The following SEMA3A variants were observed in gnomAD, a reference collection of about 807,000 sequenced individuals.
SEMA3A encodes semaphorin-3A.
A neutral mutation model predicts 97.9 loss-of-function variants in SEMA3A; 29 were observed. That is an observed-to-expected ratio of 0.30 (90% CI 0.22 to 0.40). The LOEUF (loss-of-function observed/expected upper bound fraction) is 0.40, where lower values mean the gene tolerates loss of function less well. SEMA3A is among the 10% of genes least tolerant of loss of function. SEMA3A has a pLI of 1.00. For synonymous variants in SEMA3A, 321 were observed against 323.7 expected, an observed-to-expected ratio of 0.99 and a Z score of 0.09; for missense variants, 763 against 951.3, an observed-to-expected ratio of 0.80 and a Z score of 2.60.
At chr7:84,401,442 A>T (rs114301759) in intron 1 of SEMA3A, among the ~76,000 whole-genome samples, 3,936 of 151,568 alleles carry the variant, frequency 0.026, 158 homozygotes, top group African/African-American at 0.089. Flanking sequence ...CAGTCTATAG[A>T]TTCAATGAAA....
chr7:84,016,636 G>A (rs1052478238), intron 6 of SEMA3A, among the ~76,000 whole-genome samples: 2 of 151,892 alleles, frequency 1.3e-5, no homozygotes, highest in Non-Finnish European at 2.9e-5. Context: ...TTCCGTCTCT[G>A]AGCTCAGATG....
chr7:83,959,332 T>C lies in SEMA3A; in HGVS notation c.*2039A>G, dbSNP rs1788380337. 1 of 152,072 alleles carries C rather than the reference T, an allele frequency of 6.6e-6. No homozygotes were observed. Among genetic ancestry groups the C allele is most frequent in the Non-Finnish European group, 1.5e-5 (1 of 67,940 alleles). 9.4% of individuals were successfully genotyped at this position (152,072 alleles called of 1,614,324 possible). A position where few individuals can be genotyped will look rare whatever the true frequency, so the allele number is the denominator to read the frequency against. On this transcript the variant is annotated 3_prime_UTR_variant, in exon 17 of 17. Transcript: ENST00000265362. Reference sequence around the variant, plus strand: ...GAATGTTAGTACAGTTTAGATACTTTATGAAAATAAAAGAATGACCTATTT... The same window carrying C: ...GAATGTTAGTACAGTTTAGATACTTCATGAAAATAAAAGAATGACCTATTT...
At chr7:84,174,586 CTA>C (rs1193900083) in intron 1 of SEMA3A, among the ~76,000 whole-genome samples, 1 of 152,138 alleles carries the variant, frequency 6.6e-6, no homozygotes, top group Non-Finnish European at 1.5e-5. Context: ...TTACTATTTA[CTA>C]TGTTTGTTAT....
At chr7:84,216,267 C>T (rs770789965) in intron 3 of SEMA3A, among the ~76,000 whole-genome samples, 62 of 152,124 alleles carry the variant, frequency 4.1e-4, no homozygotes, top group Admixed American at 6.6e-4. Flanking sequence ...CCACCACACC[C>T]GGCTAATTTT....
At chr7:84,340,007 A>C (rs1802124286) in intron 2 of SEMA3A, among the ~76,000 whole-genome samples, 1 of 152,184 alleles carries the variant, frequency 6.6e-6, no homozygotes, top group Admixed American at 6.5e-5. Flanking sequence ...GGAGGATTAA[A>C]AAACATCACT....
chr7:84,374,350 T>C (rs1004777968), intron 1 of SEMA3A, among the ~76,000 whole-genome samples: 3 of 152,226 alleles, frequency 2.0e-5, no homozygotes, highest in African/African-American at 7.2e-5. Flanking sequence ...AGTAGAAAAC[T>C]TGTATGTCCA....
intron 3 of SEMA3A, among the ~76,000 whole-genome samples, chr7:84,248,800 C>T (rs1799533099): frequency 6.8e-6 from 1 of 146,140 alleles, no homozygotes; most frequent in Non-Finnish European, 1.5e-5. Flanking sequence ...AGGGTCTGTA[C>T]CTAGGAGAGA....
At position 84,045,004 on chromosome 7, in the gene SEMA3A, T is replaced by C. The variant is rs114815711; in HGVS notation, c.667+1320A>G. On this transcript the variant is annotated intron_variant, in intron 6 of 16. Transcript: ENST00000265362. ...TGCTGTCATAGGAGGGAAGAGATGC[T>C]GATTGAGGTAATTTGAGGTATGTTT... Among the ~76,000 whole-genome samples, 340 of 152,144 alleles carry C rather than the reference T, an allele frequency of 2.2e-3. 2 individuals carry two copies. The highest frequency in any genetic ancestry group is 7.6e-3 in the African/African-American group (314 of 41,534).
chr7:84,425,438 G>T (rs12707651), intron 1 of SEMA3A, among the ~76,000 whole-genome samples: 29,222 of 124,676 alleles, frequency 0.23, 3,453 homozygotes, highest in Middle Eastern at 0.36. Context: ...TATAAATATA[G>T]GCATATATTT....
chr7:84,295,071 T>C (rs1044194987), intron 3 of SEMA3A, among the ~76,000 whole-genome samples: 3 of 152,076 alleles, frequency 2.0e-5, no homozygotes, highest in Non-Finnish European at 2.9e-5. Context: ...CCATCCAAAC[T>C]TGGCAATTGA....
intron 1 of SEMA3A, among the ~76,000 whole-genome samples, chr7:84,373,409 G>A (rs777338652): frequency 8.5e-5 from 13 of 152,158 alleles, no homozygotes; most frequent in South Asian, 2.1e-4. Context: ...GGAAATGTCC[G>A]CAGTCATTAT....
At chr7:84,227,596 T>G (rs1409376775) in intron 3 of SEMA3A, among the ~76,000 whole-genome samples, 3 of 152,064 alleles carry the variant, frequency 2.0e-5, no homozygotes, top group African/African-American at 4.8e-5. Flanking sequence ...CAGCCATGAG[T>G]GTTTTCCCAA....
chr7:84,113,020 G>A (rs898640387), intron 3 of SEMA3A, among the ~76,000 whole-genome samples: 3 of 152,218 alleles, frequency 2.0e-5, no homozygotes, highest in African/African-American at 7.2e-5. Flanking sequence ...TTGGCAGCAG[G>A]TTGTACTGTT....
chr7:84,026,301 T>C (rs1791541824), intron 6 of SEMA3A, among the ~76,000 whole-genome samples: 1 of 152,192 alleles, frequency 6.6e-6, no homozygotes, highest in African/African-American at 2.4e-5. Context: ...CCTTCATCTT[T>C]TCAGTTTCAT....
intron 4 of SEMA3A, among the ~76,000 whole-genome samples, chr7:84,097,874 G>C (rs1583962463): frequency 6.6e-6 from 1 of 152,054 alleles, no homozygotes; most frequent in East Asian, 1.9e-4. Context: ...ATGATTAAAG[G>C]ATGACCCTTC....
rs368163750 is a variant in SEMA3A, at chr7:84,361,576, T to C, written c.-169+10248A>G. Among the ~76,000 whole-genome samples, 47 of 152,094 alleles carry C rather than the reference T, an allele frequency of 3.1e-4. 2 individuals are homozygous for C. In the East Asian group the frequency reaches 3.1e-3, roughly 10 times the overall value. ...ATTCTATTGAAAGAAAATGGATAGA[T>C]GGACACCATTAGGGAGAACGAGTAA... On this transcript the variant is annotated intron_variant, in intron 2 of 3. Transcript: ENST00000424555.
At chr7:84,433,148 A>G (rs1805030188) in intron 1 of SEMA3A, among the ~76,000 whole-genome samples, 1 of 151,980 alleles carries the variant, frequency 6.6e-6, no homozygotes, top group South Asian at 2.1e-4. Context: ...ACATAGGTAT[A>G]CATGTGCCAT....
At chr7:84,431,502 C>G (rs1202564055) in intron 1 of SEMA3A, among the ~76,000 whole-genome samples, 2 of 151,910 alleles carry the variant, frequency 1.3e-5, no homozygotes, top group African/African-American at 4.8e-5. Context: ...TCTTAAGAGT[C>G]AGATTTTACT....
chr7:84,104,026 G>A (rs754197086), intron 4 of SEMA3A, among the ~76,000 whole-genome samples: 1 of 152,046 alleles, frequency 6.6e-6, no homozygotes, highest in East Asian at 1.9e-4. Context: ...TCCAGTGACT[G>A]TCTCACCCCA....
Sources: gnomAD v4.1 joint callset for allele counts (sites outside exome capture counted in the v4.1 genomes callset) on GRCh38, gnomAD v4.1.1 for gene constraint, MANE v1.5 for transcripts, NCBI Gene and HGNC (gene_info 2026-07-23, HGNC 2026-07-21) for gene names.